The following USP17L2 variants were observed in gnomAD, a reference collection of about 807,000 sequenced individuals.
The protein encoded by USP17L2 is ubiquitin carboxyl-terminal hydrolase 17.
A neutral mutation model predicts 39.8 loss-of-function variants in USP17L2; 29 were observed. The observed-to-expected ratio is 0.73, with a 90% CI of 0.54 to 0.99. The LOEUF (loss-of-function observed/expected upper bound fraction) is 0.99, where lower values mean the gene tolerates loss of function less well. Ranked by LOEUF, USP17L2 falls within the 50% of genes least tolerant of loss-of-function variation. The pLI is 0.00. For synonymous variants in USP17L2, 231 were observed against 252.7 expected (o/e 0.91, Z 0.81); for missense variants, 567 against 647.2 (o/e 0.88, Z 1.35).
In USP17L2 at chr8:12,137,355, G is replaced by C. The variant is rs201297814; in HGVS notation, c.1406C>G (p.Ser469Trp). 5.9e-6 allele frequency: 9 copies of C among 1,531,294 alleles called. No individual in the cohort carries two copies. Among genetic ancestry groups the C allele is most frequent in the Non-Finnish European group, 7.9e-6 (9 of 1,135,000 alleles). The allele number at this position is 1,531,294 out of a possible 1,614,324, so 94.9% of individuals were successfully genotyped here. A position where few individuals can be genotyped will look rare whatever the true frequency, so the allele number is the denominator to read the frequency against. ...GTTTTTCATCCCACACTTGTATTTC[G>C]ATTGATGAATCACAAGTACGTTGGG... ...LPPNVLVIHQ[S>W]KYKCGMKNHH... Residue 469 changes from serine (S) to tryptophan (W), a missense_variant, in exon 1 of 1, where the codon TCG becomes TGG. By Grantham distance (177) the Ser-to-Trp change is radical (BLOSUM62 -3). Around this residue, in one of 6 missense-constraint regions of USP17L2, gnomAD observed 304 missense variants for 254.7 expected, o/e 1.19. Transcript: ENST00000333796.
In USP17L2 at chr8:12,137,179, C is replaced by T; in HGVS notation, c.1582G>A (p.Val528Met). The T allele has an allele frequency of 6.5e-7, 1 of 1,530,878 alleles. No homozygotes were observed. The highest frequency in any genetic ancestry group is 8.8e-7 in the Non-Finnish European group (1 of 1,135,242). 94.8% of individuals were successfully genotyped at this position (1,530,878 alleles called of 1,614,324 possible). The change falls in exon 1 of 1, where the codon GTG becomes ATG. Residue 528 changes from valine to methionine, a missense_variant. By Grantham distance (21) the Val-to-Met change is conservative (BLOSUM62 1). Transcript: ENST00000333796. ...KNKHSKRALL[V>M]CQ The stretch of plus-strand genomic sequence containing the variant: ...CACTTCCACTGAGATCACTGGCACA[C>T]AAGCAGAGCCCTCTTGCTGTGTTTG...
At position 12,138,660 on chromosome 8, in the gene USP17L2, C is replaced by T. The variant is rs762961738; in HGVS notation, c.101G>A (p.Arg34Gln). The change falls in exon 1 of 1, where the codon CGG (arginine) becomes CAG (glutamine). Residue 34 changes from arginine (R) to glutamine (Q), a missense_variant. This residue lies in a region of USP17L2 where 120 missense variants were observed against 111.0 expected (regional missense o/e 1.08). Coordinates refer to ENST00000333796, the MANE Select transcript of USP17L2 (RefSeq NM_201402.3). ...TGGTGACTTCTCAGGGAGAGAAGTC[C>T]GCTGGATTTCAGCAAAAGCTGCATC... ...RPDAAFAEIQ[R>Q]TSLPEKSPLS... 2.0e-5 allele frequency: 31 copies of T among 1,520,634 alleles called. 3 individuals are homozygous for T. Among genetic ancestry groups the T allele is most frequent in the Middle Eastern group, 4.9e-4 (2 of 4,074 alleles). The allele number at this position is 1,520,634 out of a possible 1,614,324, so 94.2% of individuals were successfully genotyped here.
In USP17L2 at chr8:12,138,577, G is replaced by T; in HGVS notation, c.184C>A (p.Leu62Ile). The T allele has an allele frequency of 2.0e-6, 3 of 1,527,306 alleles. No homozygotes were observed. The highest frequency in any genetic ancestry group is 2.6e-6 in the Non-Finnish European group (3 of 1,133,318). The allele number at this position is 1,527,306 out of a possible 1,614,324, so 94.6% of individuals were successfully genotyped here. ...CDDLAPVARQ[L>I]APRKKLPLSS... is the part of the protein sequence containing the mutation. ...AGAGGAAGCTTCTTCCTGGGAGCAA[G>T]CTGTCTTGCCACAGGAGCCAAATCA... The change falls in exon 1 of 1, where the codon CTT becomes ATT. Residue 62 changes from leucine to isoleucine, a missense_variant. This residue lies in a region of USP17L2 where 120 missense variants were observed against 111.0 expected (regional missense o/e 1.08). Coordinates refer to ENST00000333796, the MANE Select transcript of USP17L2 (RefSeq NM_201402.3).
In USP17L2 at chr8:12,136,569, A is replaced by G. The variant is rs1803225526; in HGVS notation, c.*599T>C. On this transcript the variant is annotated 3_prime_UTR_variant, in exon 1 of 1. Transcript: ENST00000333796. ...AGTCGGTCTGTCTGTTTCCGGCGTT[A>G]TGTGGGTTCCAGCAAGAGCACAAGT... 7.1e-6 allele frequency among the ~76,000 whole-genome samples: 1 copy of G among 140,506 alleles called. No homozygotes were observed. The highest frequency in any genetic ancestry group is 1.5e-5 in the Non-Finnish European group (1 of 64,870). The allele number at this position is 140,506 out of a possible 152,430, so 92.2% of individuals were successfully genotyped here. A position where few individuals can be genotyped will look rare whatever the true frequency, so the allele number is the denominator to read the frequency against.
Position 12,138,571 on chromosome 8 carries a change from G to A in USP17L2, c.190C>T (p.Pro64Ser). ...CTACTCAGAGGAAGCTTCTTCCTGG[G>A]AGCAAGCTGTCTTGCCACAGGAGCC... Reference protein sequence around the residue: ...DLAPVARQLAPRKKLPLSSRR... With the variant: ...DLAPVARQLASRKKLPLSSRR... Residue 64 changes from proline (P) to serine (S), a missense_variant, in exon 1 of 1, where the codon CCC becomes TCC. Coordinates refer to ENST00000333796, the MANE Select transcript of USP17L2 (RefSeq NM_201402.3). 4.6e-6 allele frequency: 7 copies of A among 1,530,930 alleles called. 1 individual carries two copies. Among genetic ancestry groups the A allele is most frequent in the Non-Finnish European group, 6.2e-6 (7 of 1,135,386 alleles). The allele number at this position is 1,530,930 out of a possible 1,614,324, so 94.8% of individuals were successfully genotyped here. A position where few individuals can be genotyped will look rare whatever the true frequency, so the allele number is the denominator to read the frequency against.
rs1209543341 is a variant in USP17L2, at chr8:12,136,796, G to A, written c.*372C>T. Among the ~76,000 whole-genome samples, 3 of 140,528 alleles carry A rather than the reference G, an allele frequency of 2.1e-5. 1 individual carries two copies. Among genetic ancestry groups the A allele is most frequent in the African/African-American group, 8.0e-5 (3 of 37,286 alleles). 92.2% of individuals were successfully genotyped at this position (140,528 alleles called of 152,430 possible). A position where few individuals can be genotyped will look rare whatever the true frequency, so the allele number is the denominator to read the frequency against. On this transcript the variant is annotated 3_prime_UTR_variant, in exon 1 of 1. Coordinates refer to ENST00000333796, the MANE Select transcript of USP17L2 (RefSeq NM_201402.3). ...CTGACGAATGAAACACACCCCAAGA[G>A]AAAATAGGAAACCGAGTCCCCTGCA...
rs267601744 is a variant in USP17L2 at position 12,137,556 on chromosome 8, C to T, written c.1205G>A (p.Arg402Gln). ...RALGAEDTDR[R>Q]ATQGELKRDH... ...TCTCTTGAGCTCTCCTTGCGTTGCT[C>T]GCCTGTCTGTGTCTTCAGCGCCGAG... Residue 402 changes from arginine (R) to glutamine (Q), a missense_variant, in exon 1 of 1, where the codon CGA (arginine) becomes CAA (glutamine). Around this residue, in one of 6 missense-constraint regions of USP17L2, gnomAD observed 304 missense variants for 254.7 expected, o/e 1.19. Coordinates refer to ENST00000333796, the MANE Select transcript of USP17L2 (RefSeq NM_201402.3). 43 of 1,532,600 alleles carry T rather than the reference C, an allele frequency of 2.8e-5. 1 individual carries two copies. Among genetic ancestry groups the T allele is most frequent in the South Asian group, 1.2e-4 (10 of 81,316 alleles). 94.9% of individuals were successfully genotyped at this position (1,532,600 alleles called of 1,614,324 possible).
rs1395489396 is a variant in USP17L2 at position 12,136,968 on chromosome 8, G to A, written c.*200C>T. ...CAAAACTTGATGTTTCCCATGTGTGGGCTCATCCTGAGATGCAGCCATCAC... is the reference window on the plus strand; with the variant it reads ...CAAAACTTGATGTTTCCCATGTGTGAGCTCATCCTGAGATGCAGCCATCAC... On this transcript the variant is annotated 3_prime_UTR_variant, in exon 1 of 1. Coordinates refer to ENST00000333796, the MANE Select transcript of USP17L2 (RefSeq NM_201402.3). Among the ~76,000 whole-genome samples the A allele has an allele frequency of 4.3e-5, 6 of 140,644 alleles. No individual in the cohort carries two copies. The highest frequency in any genetic ancestry group is 7.7e-5 in the Non-Finnish European group (5 of 64,872). The allele number at this position is 140,644 out of a possible 152,430, so 92.3% of individuals were successfully genotyped here.
In USP17L2 at chr8:12,137,261, C is replaced by T. The variant is rs774699001; in HGVS notation, c.1500G>A (p.Val500=). The part of the protein sequence containing the change: ...SSTTRTDQES[V]NTGTLASLQG... ...GCAGAGAAGCGAGGGTGCCAGTGTTCACGGACTCCTGATCTGTCCGGGTCG... is the reference window on the plus strand; with the variant it reads ...GCAGAGAAGCGAGGGTGCCAGTGTTTACGGACTCCTGATCTGTCCGGGTCG... The change falls in exon 1 of 1, where the codon GTG becomes GTA. Residue 500 remains valine, a synonymous_variant. Transcript: ENST00000333796. The T allele has an allele frequency of 5.9e-6, 9 of 1,530,582 alleles. No individual in the cohort carries two copies. The highest frequency in any genetic ancestry group is 7.9e-6 in the Non-Finnish European group (9 of 1,135,062). The allele number at this position is 1,530,582 out of a possible 1,614,324, so 94.8% of individuals were successfully genotyped here. A position where few individuals can be genotyped will look rare whatever the true frequency, so the allele number is the denominator to read the frequency against.
At position 12,138,447 on chromosome 8, in the gene USP17L2, G is replaced by A. The variant is rs758551478; in HGVS notation, c.314C>T (p.Ala105Val). Residue 105 changes from alanine (A) to valine (V), a missense_variant, in exon 1 of 1, where the codon GCC (alanine) becomes GTC (valine). Transcript: ENST00000333796. ...GTGCTCCCGGGACAGCATGTAGTTG[G>A]CAAGGGGCGGTGTGTATGTCAGGCA... ...LQCLTYTPPLANYMLSREHSQ... is the reference protein window; with the variant it reads ...LQCLTYTPPLVNYMLSREHSQ... The A allele has an allele frequency of 2.6e-6, 4 of 1,538,248 alleles. No individual in the cohort carries two copies. Among genetic ancestry groups the A allele is most frequent in the African/African-American group, 1.4e-5 (1 of 70,430 alleles).
chr8:12,136,702 C>A lies in USP17L2; in HGVS notation c.*466G>T, dbSNP rs1164319519. ...TAAATGCATTCCAGTTTCCACTATTCAAGGTGGCGAGAATGATCCATGGAT... is the reference window on the plus strand; with the variant it reads ...TAAATGCATTCCAGTTTCCACTATTAAAGGTGGCGAGAATGATCCATGGAT... On this transcript the variant is annotated 3_prime_UTR_variant, in exon 1 of 1. Coordinates refer to ENST00000333796, the MANE Select transcript of USP17L2 (RefSeq NM_201402.3). Among the ~76,000 whole-genome samples, 1 of 140,508 alleles carries A rather than the reference C, an allele frequency of 7.1e-6. No homozygotes were observed. The highest frequency in any genetic ancestry group is 1.5e-5 in the Non-Finnish European group (1 of 64,890). The allele number at this position is 140,508 out of a possible 152,430, so 92.2% of individuals were successfully genotyped here. A position where few individuals can be genotyped will look rare whatever the true frequency, so the allele number is the denominator to read the frequency against.
At position 12,137,699 on chromosome 8, in the gene USP17L2, G is replaced by A. The variant is rs1293642235; in HGVS notation, c.1062C>T (p.Val354=). The change falls in exon 1 of 1, where the codon GTC becomes GTT. Residue 354 remains valine (V), a synonymous_variant. Transcript: ENST00000333796. ...GGACAGAAGTGATGCTACAGGCAGT[G>A]ACCTTGGCATCATCCATTTTATACC... is the stretch of plus-strand genomic sequence containing the variant. ...GQWYKMDDAK[V]TACSITSVLS... The A allele has an allele frequency of 6.5e-7, 1 of 1,533,680 alleles. No individual in the cohort carries two copies. Among genetic ancestry groups the A allele is most frequent in the Admixed American group, 1.8e-5 (1 of 55,892 alleles).
rs1359965404 is a variant in USP17L2 at position 12,137,252 on chromosome 8, G to A, written c.1509C>T (p.Gly503=). The A allele has an allele frequency of 6.5e-7, 1 of 1,530,670 alleles. No individual in the cohort carries two copies. The highest frequency in any genetic ancestry group is 8.8e-7 in the Non-Finnish European group (1 of 1,135,034). The allele number at this position is 1,530,670 out of a possible 1,614,324, so 94.8% of individuals were successfully genotyped here. A position where few individuals can be genotyped will look rare whatever the true frequency, so the allele number is the denominator to read the frequency against. ...TCCTCCCTTGCAGAGAAGCGAGGGT[G>A]CCAGTGTTCACGGACTCCTGATCTG... is the stretch of plus-strand genomic sequence containing the variant. ...TRTDQESVNT[G]TLASLQGRTR... is the part of the protein sequence containing the mutation. The change falls in exon 1 of 1, where the codon GGC becomes GGT. Residue 503 remains glycine (G), a synonymous_variant. Coordinates refer to ENST00000333796, the MANE Select transcript of USP17L2 (RefSeq NM_201402.3).
At chr8:12,137,875 G>A in the USP17L2 span, 6 of 1,527,346 alleles carry the variant, frequency 3.9e-6, no homozygotes, top group Admixed American at 5.3e-5. Flanking sequence ...TCAGGATATT[G>A]CACATTCTTG....
Position 12,138,642 on chromosome 8 carries a change from T to A in USP17L2, c.119A>T (p.Lys40Met), listed in dbSNP as rs1402165017. 1 of 1,527,726 alleles carries A rather than the reference T, an allele frequency of 6.5e-7. No homozygotes were observed. Among genetic ancestry groups the A allele is most frequent in the Admixed American group, 1.8e-5 (1 of 55,882 alleles). The allele number at this position is 1,527,726 out of a possible 1,614,324, so 94.6% of individuals were successfully genotyped here. A position where few individuals can be genotyped will look rare whatever the true frequency, so the allele number is the denominator to read the frequency against. Residue 40 changes from lysine to methionine, a missense_variant, in exon 1 of 1, where the codon AAG (lysine) becomes ATG (methionine). Lys to Met is a moderately conservative substitution (Grantham distance 95). Coordinates refer to ENST00000333796, the MANE Select transcript of USP17L2 (RefSeq NM_201402.3). ...ACGGGCCTCAGATGAGAGTGGTGAC[T>A]TCTCAGGGAGAGAAGTCCGCTGGAT... Reference protein sequence around the residue: ...AEIQRTSLPEKSPLSSEARVD... With the variant: ...AEIQRTSLPEMSPLSSEARVD...
Position 12,138,849 on chromosome 8 carries a change from C to T in USP17L2, c.-89G>A, listed in dbSNP as rs545092534. 1,520 of 971,118 alleles carry T rather than the reference C, an allele frequency of 1.6e-3. 104 individuals are homozygous for T. The South Asian group carries it at 0.021, about 13-fold the overall frequency. 60.2% of individuals were successfully genotyped at this position (971,118 alleles called of 1,614,324 possible). A position where few individuals can be genotyped will look rare whatever the true frequency, so the allele number is the denominator to read the frequency against. The stretch of plus-strand genomic sequence containing the variant: ...CTCTTCCAAGAGAGTCTTCAAATGA[C>T]GAGCTCTCTGGCCGCATCAGCCCTT... On this transcript the variant is annotated 5_prime_UTR_variant, in exon 1 of 1. Transcript: ENST00000333796.
At position 12,136,526 on chromosome 8, in the gene USP17L2, GAC is replaced by G; in HGVS notation, c.*640_*641del. Among the ~76,000 whole-genome samples, 1 of 140,472 alleles carries G rather than the reference GAC, an allele frequency of 7.1e-6. No individual in the cohort carries two copies. The highest frequency in any genetic ancestry group is 2.3e-4 in the East Asian group (1 of 4,290). The allele number at this position is 140,472 out of a possible 152,430, so 92.2% of individuals were successfully genotyped here. ...TTTCCATTTCGACTCATTGGAATTG[GAC>G]ATCGTGAAACAGGCAAGTCGGTCTG... On this transcript the variant is annotated 3_prime_UTR_variant, in exon 1 of 1. Transcript: ENST00000333796.
In USP17L2 at chr8:12,138,434, C is replaced by A. The variant is rs1158755343; in HGVS notation, c.327G>T (p.Leu109=). Residue 109 remains leucine (L), a synonymous_variant, in exon 1 of 1, where the codon CTG becomes CTT. Coordinates refer to ENST00000333796, the MANE Select transcript of USP17L2 (RefSeq NM_201402.3). The stretch of plus-strand genomic sequence containing the variant: ...GACATGTTTGAGAGTGCTCCCGGGA[C>A]AGCATGTAGTTGGCAAGGGGCGGTG... ...TYTPPLANYM[L]SREHSQTCQR... 6.5e-7 allele frequency: 1 copy of A among 1,529,548 alleles called. No homozygotes were observed. Among genetic ancestry groups the A allele is most frequent in the Admixed American group, 1.8e-5 (1 of 56,260 alleles). The allele number at this position is 1,529,548 out of a possible 1,614,324, so 94.7% of individuals were successfully genotyped here.
Position 12,137,315 on chromosome 8 carries a change from C to T in USP17L2, c.1446G>A (p.Gln482=), listed in dbSNP as rs535865946. 147 of 1,531,374 alleles carry T rather than the reference C, an allele frequency of 9.6e-5. 32 individuals are homozygous for T. The East Asian group carries it at 3.6e-3, about 38-fold the overall frequency. 94.9% of individuals were successfully genotyped at this position (1,531,374 alleles called of 1,614,324 possible). ...AAGAGAGGTTTAGCAGGGAGCTTTG[C>T]TGTTCAGGATGATGGTTTTTCATCC... ...KCGMKNHHPE[Q]QSSLLNLSST... The change falls in exon 1 of 1, where the codon CAG becomes CAA. Residue 482 remains glutamine (Q), a synonymous_variant. Transcript: ENST00000333796.
Sources: allele counts gnomAD v4.1 joint callset (sites outside exome capture counted in the v4.1 genomes callset), GRCh38; gene constraint gnomAD v4.1.1; regional missense constraint gnomAD v4.1.1; transcripts MANE v1.5; gene names NCBI Gene and HGNC (gene_info 2026-07-23, HGNC 2026-07-21).